The following MTAP variants were observed in gnomAD, a reference collection of about 807,000 sequenced individuals.
MTAP encodes S-methyl-5'-thioadenosine phosphorylase.
MTAP carries 33 observed loss-of-function variants against 33.6 expected under a neutral mutation model. That is an observed-to-expected ratio of 0.98 (90% confidence interval 0.74 to 1.31). The LOEUF is 1.31. Ranked by LOEUF, MTAP falls within the 40% of genes most tolerant of loss-of-function variation. MTAP has a pLI of 0.00. For missense variants in MTAP, 367 were observed against 360.0 expected (o/e 1.02, Z -0.16); for synonymous variants, 148 against 125.7 (o/e 1.18, Z -1.19).
downstream of MTAP, among the ~76,000 whole-genome samples, chr9:21,869,267 G>A (rs952488351): frequency 1.3e-5 from 2 of 151,928 alleles, no homozygotes; most frequent in African/African-American, 4.8e-5. Flanking sequence ...GATTTTGCCA[G>A]TGCACCATCT....
exon 2 of MTAP, chr9:21,931,152 G>A: frequency 1.3e-6 from 1 of 754,150 alleles, no homozygotes; most frequent in South Asian, 1.4e-5. Flanking sequence ...AGACCTGGCT[G>A]GATACTGCTT....
Position 21,922,032 on chromosome 9 carries a change from A to G in MTAP, c.148-8976A>G, listed in dbSNP as rs899169383. Among the ~76,000 whole-genome samples, 8 of 152,092 alleles carry G rather than the reference A, an allele frequency of 5.3e-5. No individual in the cohort carries two copies. The highest frequency in any genetic ancestry group is 1.9e-4 in the African/African-American group (8 of 41,408). ...ATAATAATTGGTTGCAGTCAGTGCCAGAGAAAGGCAGTCTCCCAATATATG... is the reference window on the plus strand; with the variant it reads ...ATAATAATTGGTTGCAGTCAGTGCCGGAGAAAGGCAGTCTCCCAATATATG... On this transcript the variant is annotated intron_variant, in intron 1 of 1. Coordinates refer to the MTAP transcript ENST00000577563. This position sits in a 1 kb window ranked among gnomAD's most constrained non-coding sequence, Gnocchi z 4.8.
chr9:21,879,099 C>A (rs1817949579), intron 1 of MTAP, among the ~76,000 whole-genome samples: 1 of 152,098 alleles, frequency 6.6e-6, no homozygotes. Flanking sequence ...AGTTCAGGTC[C>A]TGAATATGTT....
intron 1 of MTAP, among the ~76,000 whole-genome samples, chr9:21,884,956 G>T (rs1818085829): frequency 6.6e-6 from 1 of 152,096 alleles, no homozygotes; most frequent in Non-Finnish European, 1.5e-5. Context: ...TAAAATTCAG[G>T]ATTTTACTAA....
At chr9:21,913,473 C>G (rs113675219) in intron 1 of MTAP, among the ~76,000 whole-genome samples, 32 of 152,018 alleles carry the variant, frequency 2.1e-4, no homozygotes, top group African/African-American at 7.7e-4. Flanking sequence ...GAAATAATAA[C>G]AAACATCTAC....
chr9:21,902,954 C>A (rs1177999735), intron 1 of MTAP, among the ~76,000 whole-genome samples: 1 of 152,118 alleles, frequency 6.6e-6, no homozygotes, highest in African/African-American at 2.4e-5. Context: ...CTGAAATTCC[C>A]ACCAAAATGT....
intron 1 of MTAP, among the ~76,000 whole-genome samples, chr9:21,897,396 G>C (rs547354693): frequency 6.6e-6 from 1 of 152,200 alleles, no homozygotes; most frequent in Non-Finnish European, 1.5e-5. Flanking sequence ...TCAGGCAAGA[G>C]AAAGAAATAA....
At position 21,865,050 on chromosome 9, in the gene MTAP, C is replaced by T; in HGVS notation, c.*3036C>T. The T allele has an allele frequency of 1.0e-6, 1 of 985,418 alleles. No homozygotes were observed. The highest frequency in any genetic ancestry group is 1.2e-6 in the Non-Finnish European group (1 of 829,928). 61.0% of individuals were successfully genotyped at this position (985,418 alleles called of 1,614,324 possible). ...GAAGTCACGAAATGAGGAGTTCTTG[C>T]CACATTTGCAGAGTCCCTCCTTGAT... On this transcript the variant is annotated 3_prime_UTR_variant, in exon 8 of 8. Coordinates refer to ENST00000644715, the MANE Select transcript of MTAP (RefSeq NM_002451.4).
intron 7 of MTAP, chr9:21,861,725 G>C: frequency 1.9e-6 from 1 of 522,482 alleles, no homozygotes; most frequent in South Asian, 2.4e-5. Context: ...GTGATTATCA[G>C]AACAATGCTC....
intron 3 of MTAP, 50 bp downstream of exon 3, chr9:21,816,822 T>G (rs1824487120): frequency 6.7e-7 from 1 of 1,496,424 alleles, no homozygotes. Context: ...ATAATTTAAA[T>G]TTAACTTAAA....
intron 1 of MTAP, chr9:21,811,647 C>CAGG: frequency 1.9e-6 from 1 of 521,694 alleles, no homozygotes; most frequent in South Asian, 1.4e-5. Flanking sequence ...TTGGCTCACT[C>CAGG]AAACTCTTCC....
Position 21,857,470 on chromosome 9 carries a change from T to C in MTAP, c.691-1833T>C, listed in dbSNP as rs76192582. Among the ~76,000 whole-genome samples the C allele has an allele frequency of 5.9e-3, 891 of 152,300 alleles. 20 individuals carry two copies. The highest frequency in any genetic ancestry group is 0.057 in the East Asian group (293 of 5,178). ...GACTATGCTTAAGGAAATAGAAAGA[T>C]GTAATCCTTGTGTCCCTGAATGCTG... On this transcript the variant is annotated intron_variant, in intron 6 of 7. Transcript: ENST00000644715.
chr9:21,873,994 A>G (rs1279658275), intron 1 of MTAP, among the ~76,000 whole-genome samples: 6 of 152,316 alleles, frequency 3.9e-5, no homozygotes, highest in African/African-American at 9.6e-5. Flanking sequence ...CCTCAGTTTT[A>G]TAGATGACTC....
chr9:21,919,183 A>G (rs550077930), intron 1 of MTAP, among the ~76,000 whole-genome samples: 124 of 152,316 alleles, frequency 8.1e-4, no homozygotes, highest in Non-Finnish European at 9.6e-4. Context: ...GGAGACAGCA[A>G]TTACAGACAC....
intron 1 of MTAP, among the ~76,000 whole-genome samples, chr9:21,875,759 C>T (rs897397779): frequency 1.3e-5 from 2 of 152,056 alleles, no homozygotes; most frequent in Admixed American, 6.6e-5. Flanking sequence ...TTCCATGGTA[C>T]ATATGTACCA....
downstream of MTAP, among the ~76,000 whole-genome samples, chr9:21,938,103 T>A (rs2131059085): frequency 6.6e-6 from 1 of 152,078 alleles, no homozygotes; most frequent in East Asian, 1.9e-4. Context: ...TGAAACCCCA[T>A]CTCTACTAAA....
At chr9:21,833,859 C>T (rs539656615) in intron 4 of MTAP, among the ~76,000 whole-genome samples, 1 of 152,310 alleles carries the variant, frequency 6.6e-6, no homozygotes, top group Non-Finnish European at 1.5e-5. Context: ...AGTCTTGATT[C>T]AAGAAACAAC....
At chr9:21,814,103 A>G (rs922879262) in intron 1 of MTAP, among the ~76,000 whole-genome samples, 7 of 152,226 alleles carry the variant, frequency 4.6e-5, no homozygotes, top group Admixed American at 3.3e-4. Flanking sequence ...GTGGACAGTC[A>G]CAAATTATGT....
chr9:21,829,728 A>C (rs1824920553), intron 4 of MTAP, among the ~76,000 whole-genome samples: 1 of 152,194 alleles, frequency 6.6e-6, no homozygotes. Context: ...AAGCTAAAGC[A>C]CATCATTTTC....
Sources: gnomAD v4.1 joint callset for allele counts (sites outside exome capture counted in the v4.1 genomes callset) on GRCh38, gnomAD v4.1.1 for gene constraint, Gnocchi (gnomAD v3.1) non-coding constraint, MANE v1.5 for transcripts, NCBI Gene and HGNC (gene_info 2026-07-23, HGNC 2026-07-21) for gene names.